Variants in EYA1 observed in about 807,000 individuals in gnomAD.
The protein encoded by EYA1 is EYA transcriptional coactivator and phosphatase 1, also known as protein phosphatase EYA1.
EYA1 carries 16 observed loss-of-function variants against 82.0 expected under a neutral mutation model. That is an observed-to-expected ratio of 0.20 (90% CI 0.13 to 0.30). The LOEUF is 0.30. EYA1 is among the 10% of genes least tolerant of loss of function. The pLI, the probability that EYA1 is intolerant of heterozygous loss-of-function variation, is 1.00. For missense variants in EYA1, 633 were observed against 730.7 expected, an observed-to-expected ratio of 0.87 and a Z score of 1.54; for synonymous variants, 261 against 264.4, an observed-to-expected ratio of 0.99 and a Z score of 0.12.
At chr8:71,533,739 C>G (rs930183278) in intron 2 of EYA1, among the ~76,000 whole-genome samples, 7 of 152,328 alleles carry the variant, frequency 4.6e-5, no homozygotes, top group African/African-American at 1.4e-4. Context: ...TCACACGAGG[C>G]CTCTGAAGAG....
chr8:71,209,959 C>T (rs773258912), intron 17 of EYA1, among the ~76,000 whole-genome samples: 12 of 152,180 alleles, frequency 7.9e-5, no homozygotes, highest in Non-Finnish European at 1.5e-4. Context: ...GGCACATAAA[C>T]AATAACAATA....
chr8:71,428,004 G>A (rs2129157380), intron 2 of EYA1, among the ~76,000 whole-genome samples: 1 of 151,622 alleles, frequency 6.6e-6, no homozygotes, highest in Middle Eastern at 3.4e-3. Flanking sequence ...AGATGAATCA[G>A]TAATATAATT....
chr8:71,442,714 A>G (rs991922035), intron 2 of EYA1, among the ~76,000 whole-genome samples: 3 of 152,182 alleles, frequency 2.0e-5, no homozygotes, highest in African/African-American at 4.8e-5. Flanking sequence ...TAATACCACT[A>G]TGTGTTGATG....
intron 17 of EYA1, 81 bp from the exon 18 acceptor site, chr8:71,199,501 G>T: frequency 1.2e-6 from 1 of 857,102 alleles, no homozygotes; most frequent in Non-Finnish European, 1.9e-6. Flanking sequence ...CCACTCCCAT[G>T]CTGACCCCCA....
At chr8:71,364,727 G>A (rs1827638167), upstream of EYA1, among the ~76,000 whole-genome samples, 1 of 151,476 alleles carries the variant, frequency 6.6e-6, no homozygotes, top group Non-Finnish European at 1.5e-5. Flanking sequence ...ATCTGGAAAG[G>A]GAAAATACTT....
rs185703462 is a variant in EYA1 at position 71,406,481 on chromosome 8, G to A, written c.34-49970C>T. Among the ~76,000 whole-genome samples, 103 of 152,316 alleles carry A rather than the reference G, an allele frequency of 6.8e-4. No individual in the cohort carries two copies. The East Asian group carries it at 0.018, about 27-fold the overall frequency. On this transcript the variant is annotated intron_variant, in intron 2 of 18. Transcript: ENST00000643681. ...GAGGTACCGGGTTCATCTCACTAGG[G>A]AGTGCCAGACAGTGGGCGCAGGCCA...
intron 4 of EYA1, among the ~76,000 whole-genome samples, chr8:71,327,083 C>A (rs951965768): frequency 6.6e-6 from 1 of 152,146 alleles, no homozygotes; most frequent in Non-Finnish European, 1.5e-5. Context: ...TTCTTCTTAG[C>A]AGTTTTAGTT....
chr8:71,459,405 T>G (rs1808200750), intron 2 of EYA1, among the ~76,000 whole-genome samples: 1 of 152,186 alleles, frequency 6.6e-6, no homozygotes, highest in Non-Finnish European at 1.5e-5. Context: ...TCTTTAAGTT[T>G]TGGTGTAATG....
chr8:71,455,371 C>T (rs567454314), intron 2 of EYA1, among the ~76,000 whole-genome samples: 1 of 152,258 alleles, frequency 6.6e-6, no homozygotes, highest in Admixed American at 6.5e-5. Flanking sequence ...CTATTCCAAT[C>T]AATAGGAAAA....
intron 10 of EYA1, among the ~76,000 whole-genome samples, chr8:71,270,815 C>T (rs983701118): frequency 3.3e-5 from 5 of 152,060 alleles, no homozygotes; most frequent in African/African-American, 1.2e-4. Context: ...ATAAGTGTGT[C>T]TTTCATTTCA....
At chr8:71,204,413 A>C (rs1161955520) in intron 17 of EYA1, among the ~76,000 whole-genome samples, 1 of 152,258 alleles carries the variant, frequency 6.6e-6, no homozygotes, top group East Asian at 1.9e-4. Context: ...AAAGTTTTTA[A>C]AGCATATACC....
chr8:71,356,385 A>G (rs1826880761), intron 2 of EYA1, 77 bp downstream of exon 2: 1 of 1,264,480 alleles, frequency 7.9e-7, no homozygotes, highest in Admixed American at 2.1e-5. Context: ...GAAATAATTA[A>G]GAAACACTAG....
intron 2 of EYA1, among the ~76,000 whole-genome samples, chr8:71,374,260 T>C (rs1218995335): frequency 6.6e-6 from 1 of 152,122 alleles, no homozygotes; most frequent in African/African-American, 2.4e-5. Flanking sequence ...ATATCCAAAA[T>C]ATAAGGAGTT....
chr8:71,211,358 G>A (rs1047426277), intron 16 of EYA1, 102 bp from the exon 17 acceptor site: 8 of 767,438 alleles, frequency 1.0e-5, no homozygotes, highest in East Asian at 2.6e-5. Context: ...GCTCTGATTC[G>A]AATGCCCCAC....
chr8:71,409,048 T>C (rs1830440453), intron 2 of EYA1, among the ~76,000 whole-genome samples: 1 of 120,176 alleles, frequency 8.3e-6, no homozygotes, highest in Admixed American at 8.6e-5. Flanking sequence ...GCAATCAAAC[T>C]AGAACTCAGG....
At chr8:71,215,255 G>A (rs1474567567) in intron 16 of EYA1, 132 bp downstream of exon 16, 14 of 873,808 alleles carry the variant, frequency 1.6e-5, no homozygotes, top group Non-Finnish European at 2.2e-5. Flanking sequence ...TTTGCAAATT[G>A]GTTAAATTAT....
intron 2 of EYA1, among the ~76,000 whole-genome samples, chr8:71,375,995 A>G (rs940805080): frequency 6.6e-6 from 1 of 152,218 alleles, no homozygotes; most frequent in Non-Finnish European, 1.5e-5. Flanking sequence ...AAAATATAAA[A>G]GTAGACAGTT....
chr8:71,507,069 T>C (rs182279175), intron 2 of EYA1, among the ~76,000 whole-genome samples: 1 of 152,300 alleles, frequency 6.6e-6, no homozygotes, highest in Non-Finnish European at 1.5e-5. Context: ...ACTCCACTAA[T>C]AATAACAACA....
At chr8:71,206,877 T>C (rs977241936) in intron 17 of EYA1, among the ~76,000 whole-genome samples, 2 of 152,076 alleles carry the variant, frequency 1.3e-5, no homozygotes, top group African/African-American at 4.8e-5. Flanking sequence ...GACTTCAGCC[T>C]CCTGAGTAGC....
Sources: gnomAD v4.1 joint callset for allele counts (sites outside exome capture counted in the v4.1 genomes callset) on GRCh38, gnomAD v4.1.1 for gene constraint, MANE v1.5 for transcripts, NCBI Gene and HGNC (gene_info 2026-07-23, HGNC 2026-07-21) for gene names.